Variants in MAG observed in about 807,000 individuals in gnomAD.
The protein encoded by MAG is myelin associated glycoprotein.
Under a neutral mutation model 60.7 loss-of-function variants are expected in MAG, and 30 were observed. The observed-to-expected ratio is 0.49, with a 90% CI of 0.37 to 0.67. The LOEUF (loss-of-function observed/expected upper bound fraction) is 0.67. Among genes scored for constraint, MAG ranks in the 30% least tolerant of loss-of-function variants. MAG has a pLI of 0.00. For missense variants in MAG, 795 were observed against 851.7 expected, an observed-to-expected ratio of 0.93 and a Z score of 0.83; for synonymous variants, 384 against 376.8, an observed-to-expected ratio of 1.02 and a Z score of -0.22.
At chr19:35,299,448 A>G (rs533303134) in intron 4 of MAG, 106 bp from the exon 5 acceptor site, 12 of 716,778 alleles carry the variant, frequency 1.7e-5, no homozygotes, top group African/African-American at 6.7e-5. Context: ...GTTGAGGAGT[A>G]CCATTGCCAG....
chr19:35,304,938 G>T (rs956298379), intron 7 of MAG, among the ~76,000 whole-genome samples: 7 of 152,172 alleles, frequency 4.6e-5, no homozygotes, highest in Admixed American at 1.3e-4. Context: ...GGAATTCCCT[G>T]AGGCCAGGCA....
intron 1 of MAG, among the ~76,000 whole-genome samples, chr19:35,292,834 A>C (rs1228389819): frequency 1.3e-5 from 2 of 151,970 alleles, no homozygotes; most frequent in East Asian, 1.9e-4. Flanking sequence ...TTCTGGGCAC[A>C]AGAGATTCTC....
At chr19:35,310,461 T>G in intron 8 of MAG, 86 bp from the exon 9 acceptor site, 1 of 1,182,116 alleles carries the variant, frequency 8.5e-7, no homozygotes, top group Admixed American at 1.8e-5. Flanking sequence ...CTACATTGAC[T>G]GTCATCCCAG....
chr19:35,312,488 C>G (rs1480531951), intron 10 of MAG: 4 of 544,724 alleles, frequency 7.3e-6, no homozygotes, highest in Non-Finnish European at 9.9e-6. Flanking sequence ...TTGCAGCTCC[C>G]TTCTGTCTGT....
At chr19:35,300,496 C>T in intron 6 of MAG, 92 bp downstream of exon 6, 2 of 1,446,996 alleles carry the variant, frequency 1.4e-6, no homozygotes, top group South Asian at 1.4e-5. Flanking sequence ...GGGCTGGGTC[C>T]CGAGGGGACC....
In MAG at chr19:35,299,043, C is replaced by CCACACA. The variant is rs112793426; in HGVS notation, c.416-496_416-491dup. On this transcript the variant is annotated intron_variant, in intron 4 of 10. Coordinates refer to ENST00000392213, the MANE Select transcript of MAG (RefSeq NM_002361.4). ...TACACACATGCACCACACACCCACA[C>CCACACA]CACACACACACACACACACATACCT... Among the ~76,000 whole-genome samples the CCACACA allele has an allele frequency of 3.9e-3, 576 of 149,140 alleles. 14 individuals carry two copies. The East Asian group carries it at 0.048, about 12-fold the overall frequency.
rs1340612173 is a variant in MAG at position 35,299,479 on chromosome 19, G to GA, written c.416-74dup. ...GCCAGCAATGGAGGTGGACAAGGAG[G>GA]AGGGTGGGTGGGGTGGGACCGGGAC... On this transcript the variant is annotated intron_variant, in intron 4 of 10. Coordinates refer to ENST00000392213, the MANE Select transcript of MAG (RefSeq NM_002361.4). The GA allele has an allele frequency of 1.5e-5, 15 of 1,032,474 alleles. No individual in the cohort carries two copies. The East Asian group carries it at 4.1e-4, about 28-fold the overall frequency. 64.0% of individuals were successfully genotyped at this position (1,032,474 alleles called of 1,614,324 possible).
intron 4 of MAG, among the ~76,000 whole-genome samples, chr19:35,296,544 C>T (rs553879424): frequency 1.3e-5 from 2 of 152,266 alleles, no homozygotes; most frequent in South Asian, 4.1e-4. Context: ...GTTGCTGATT[C>T]AGATTTCTTT....
At chr19:35,294,856 T>A (rs1033923343) in intron 2 of MAG, among the ~76,000 whole-genome samples, 3 of 152,202 alleles carry the variant, frequency 2.0e-5, no homozygotes, top group African/African-American at 7.2e-5. Context: ...GAAGGATCGC[T>A]TAAGCCTGGC....
rs538249249 is a variant in MAG at position 35,306,908 on chromosome 19, C to A, written c.1232-2966C>A. Among the ~76,000 whole-genome samples the A allele has an allele frequency of 1.4e-3, 208 of 152,346 alleles. 1 individual carries two copies. The highest frequency in any genetic ancestry group is 4.7e-3 in the African/African-American group (197 of 41,584). ...GTAGATGGCAGAGCTGGGATTCAAGCCAAATCCATCCCACCACAAACTCCT... is the reference window on the plus strand; with the variant it reads ...GTAGATGGCAGAGCTGGGATTCAAGACAAATCCATCCCACCACAAACTCCT... On this transcript the variant is annotated intron_variant, in intron 7 of 10. Transcript: ENST00000392213.
chr19:35,292,328 G>A, intron 1 of MAG, 124 bp downstream of exon 1: 1 of 441,994 alleles, frequency 2.3e-6, no homozygotes, highest in Non-Finnish European at 4.6e-6. Flanking sequence ...ACTGATTTAG[G>A]ATGCAGGAGT....
chr19:35,294,281 G>A lies in MAG; in HGVS notation c.-33G>A, dbSNP rs202091512. ...GACCCAGAAGACGTCCCCAACTCAG[G>A]GAGATTCAGGTGAGGGGCAGGGTAC... On this transcript the variant is annotated 5_prime_UTR_variant, in exon 2 of 11. Coordinates refer to ENST00000392213, the MANE Select transcript of MAG (RefSeq NM_002361.4). The A allele has an allele frequency of 2.3e-6, 1 of 442,102 alleles. No homozygotes were observed. Among genetic ancestry groups the A allele is most frequent in the South Asian group, 1.6e-5 (1 of 62,200 alleles). The allele number at this position is 442,102 out of a possible 1,614,324, so 27.4% of individuals were successfully genotyped here.
At chr19:35,292,707 G>A (rs1424633300) in intron 1 of MAG, among the ~76,000 whole-genome samples, 1 of 151,918 alleles carries the variant, frequency 6.6e-6, no homozygotes, top group African/African-American at 2.4e-5. Context: ...ACCTTCCTCT[G>A]TAAGCCTCAG....
chr19:35,296,231 C>T (rs942355649), intron 4 of MAG, among the ~76,000 whole-genome samples: 1 of 152,236 alleles, frequency 6.6e-6, no homozygotes, highest in Non-Finnish European at 1.5e-5. Context: ...TTTGGAAACA[C>T]CTGGAGAAAG....
At chr19:35,296,941 C>T (rs1307654430) in intron 4 of MAG, among the ~76,000 whole-genome samples, 1 of 147,226 alleles carries the variant, frequency 6.8e-6, no homozygotes, top group African/African-American at 2.5e-5. Context: ...ACACACTACA[C>T]AAACCACACA....
intron 7 of MAG, among the ~76,000 whole-genome samples, chr19:35,309,478 G>A (rs2066508885): frequency 6.6e-6 from 1 of 151,960 alleles, no homozygotes; most frequent in African/African-American, 2.4e-5. Context: ...TTGAGACAGC[G>A]TCTCATTCTG....
In MAG at chr19:35,295,614, C is replaced by A. The variant is rs764028764; in HGVS notation, c.48C>A (p.Ala16=). 6.2e-7 allele frequency: 1 copy of A among 1,602,966 alleles called. No homozygotes were observed. Among genetic ancestry groups the A allele is most frequent in the Non-Finnish European group, 8.5e-7 (1 of 1,175,844 alleles). The change falls in exon 4 of 11, where the codon GCC becomes GCA. Residue 16 remains alanine, a splice_region_variant and synonymous_variant. Transcript: ENST00000392213. The surrounding 1 kb of genome is among the most constrained non-coding windows in gnomAD (Gnocchi z 5.8). ...ALPLFWIMIS[A]SRGGHWGAWM... is the part of the protein sequence containing the mutation. ...CTCAGCTCTCCTGCTTGCCCGCAGC[C>A]TCCCGAGGGGGTCACTGGGGTGCCT...
intron 7 of MAG, 128 bp downstream of exon 7, chr19:35,302,836 G>T: frequency 8.7e-7 from 1 of 1,148,394 alleles, no homozygotes; most frequent in Non-Finnish European, 1.2e-6. Context: ...AAGGAAGGGA[G>T]GGCAGGGAAG....
Position 35,295,434 on chromosome 19 carries a change from T to C in MAG, c.26T>C (p.Leu9Pro). The C allele has an allele frequency of 6.2e-7, 1 of 1,614,060 alleles. No individual in the cohort carries two copies. The highest frequency in any genetic ancestry group is 8.5e-7 in the Non-Finnish European group (1 of 1,180,026). Residue 9 changes from leucine to proline, a missense_variant, in exon 3 of 11, where the codon CTG (leucine) becomes CCG (proline). Physicochemically the swap from Leu to Pro is moderately conservative, Grantham distance 98. Transcript: ENST00000392213. This position sits in a 1 kb window ranked among gnomAD's most constrained non-coding sequence, Gnocchi z 5.8. Reference protein sequence around the residue: MIFLTALPLFWIMISASRG... With the variant: MIFLTALPPFWIMISASRG... ...ATGATATTCCTCACGGCACTGCCTCTGTTCTGGATTATGATTTCAGGTAAC... is the reference window on the plus strand; with the variant it reads ...ATGATATTCCTCACGGCACTGCCTCCGTTCTGGATTATGATTTCAGGTAAC...
Sources: allele counts gnomAD v4.1 joint callset (sites outside exome capture counted in the v4.1 genomes callset), GRCh38; gene constraint gnomAD v4.1.1; non-coding constraint Gnocchi (gnomAD v3.1); transcripts MANE v1.5; gene names NCBI Gene and HGNC (gene_info 2026-07-23, HGNC 2026-07-21).